The following CNTN4 variants were observed in gnomAD, a reference collection of about 807,000 sequenced individuals.
The protein encoded by CNTN4 is contactin-4.
In CNTN4, 77 loss-of-function variants were observed where a neutral mutation model predicts 122.5. That is an observed-to-expected ratio of 0.63 (90% CI 0.52 to 0.76). The LOEUF (loss-of-function observed/expected upper bound fraction) is 0.76, where lower values mean the gene tolerates loss of function less well. Ranked by LOEUF, CNTN4 falls within the 30% of genes least tolerant of loss-of-function variation. The pLI, the probability that CNTN4 is intolerant of heterozygous loss-of-function variation, is 0.00. For missense variants in CNTN4, 1,256 were observed against 1,259.1 expected (o/e 1.00, Z 0.04); for synonymous variants, 512 against 447.0 (o/e 1.15, Z -1.83).
intron 12 of CNTN4, among the ~76,000 whole-genome samples, chr3:2,904,061 G>A (rs887940806): frequency 1.3e-5 from 2 of 152,104 alleles, no homozygotes; most frequent in Admixed American, 6.5e-5. Context: ...GCATTATCCT[G>A]TAGAAAAATT....
At chr3:2,779,292 A>C (rs2091476282) in intron 6 of CNTN4, among the ~76,000 whole-genome samples, 1 of 152,092 alleles carries the variant, frequency 6.6e-6, no homozygotes, top group African/African-American at 2.4e-5. Flanking sequence ...CGTTTGTGAC[A>C]GGGTCACTCT....
intron 12 of CNTN4, among the ~76,000 whole-genome samples, chr3:2,908,934 A>G (rs966138033): frequency 6.6e-6 from 1 of 152,150 alleles, no homozygotes; most frequent in Non-Finnish European, 1.5e-5. Context: ...CCCTGGCAGG[A>G]CACTCAAATA....
chr3:3,035,546 G>T (rs557974642), intron 17 of CNTN4, among the ~76,000 whole-genome samples: 1 of 151,982 alleles, frequency 6.6e-6, no homozygotes, highest in Non-Finnish European at 1.5e-5. Flanking sequence ...GGATTATAGG[G>T]AGCCTCTTCA....
At chr3:2,670,545 C>G (rs2084444632) in intron 4 of CNTN4, among the ~76,000 whole-genome samples, 1 of 146,010 alleles carries the variant, frequency 6.8e-6, no homozygotes, top group Non-Finnish European at 1.5e-5. Context: ...GACTCTTTAT[C>G]CAATTTGCCA....
chr3:3,036,623 C>T lies in CNTN4; in HGVS notation c.1943-556C>T, dbSNP rs932534293. 1.3e-4 allele frequency among the ~76,000 whole-genome samples: 20 copies of T among 148,558 alleles called. No individual in the cohort carries two copies. In the South Asian group the frequency reaches 3.4e-3, roughly 25 times the overall value. On this transcript the variant is annotated intron_variant, in intron 17 of 24. Transcript: ENST00000418658. ...ACTAAAAATACAAAAAAAAAATAGACAGGCATAGTGGCATGCACCTGTAGT... is the reference window on the plus strand; with the variant it reads ...ACTAAAAATACAAAAAAAAAATAGATAGGCATAGTGGCATGCACCTGTAGT...
chr3:2,781,080 T>G (rs1399576242), intron 6 of CNTN4, among the ~76,000 whole-genome samples: 1 of 151,446 alleles, frequency 6.6e-6, no homozygotes, highest in Non-Finnish European at 1.5e-5. Context: ...ATACATGGAG[T>G]GGTGAGGTTC....
intron 3 of CNTN4, among the ~76,000 whole-genome samples, chr3:2,567,613 C>A (rs1183836161): frequency 6.6e-6 from 1 of 152,170 alleles, no homozygotes; most frequent in Non-Finnish European, 1.5e-5. Flanking sequence ...AGATATCTTG[C>A]TGCTCTTTTA....
intron 2 of CNTN4, among the ~76,000 whole-genome samples, chr3:2,217,558 T>G (rs995637986): frequency 2.0e-5 from 3 of 152,220 alleles, no homozygotes; most frequent in African/African-American, 4.8e-5. Flanking sequence ...GTACAAGATA[T>G]TCCAATGTCT....
intron 3 of CNTN4, among the ~76,000 whole-genome samples, chr3:2,522,511 A>G (rs1479551): frequency 0.42 from 63,987 of 151,944 alleles, 13,666 homozygotes; most frequent in Admixed American, 0.46. Flanking sequence ...CAGTATTGTT[A>G]TCTTGTATTA....
intron 2 of CNTN4, among the ~76,000 whole-genome samples, chr3:2,274,476 G>C (rs1253015722): frequency 1.3e-5 from 2 of 151,426 alleles, no homozygotes; most frequent in Non-Finnish European, 2.9e-5. Flanking sequence ...ATCTATGTTT[G>C]TTTTCTTTTC....
intron 2 of CNTN4, among the ~76,000 whole-genome samples, chr3:2,106,952 A>T (rs976789667): frequency 3.3e-5 from 5 of 152,212 alleles, no homozygotes; most frequent in Non-Finnish European, 7.3e-5. Context: ...AAAGCATAGC[A>T]AGAGTGACCT....
intron 14 of CNTN4, among the ~76,000 whole-genome samples, chr3:2,996,782 C>T (rs756119768): frequency 6.6e-6 from 1 of 152,162 alleles, no homozygotes; most frequent in African/African-American, 2.4e-5. Flanking sequence ...TACTAATTGC[C>T]TCATTTCAGC....
intron 4 of CNTN4, among the ~76,000 whole-genome samples, chr3:2,627,490 CTTTTTTT>C (rs869106549): frequency 2.6e-5 from 3 of 116,224 alleles, no homozygotes; most frequent in African/African-American, 6.4e-5. Context: ...CATTAAGTGT[CTTTTTTT>C]TTTTTTTTTT....
chr3:2,497,910 G>A (rs1374050174), intron 3 of CNTN4, among the ~76,000 whole-genome samples: 2 of 151,928 alleles, frequency 1.3e-5, no homozygotes, highest in Non-Finnish European at 2.9e-5. Flanking sequence ...TATGAGTTGA[G>A]TGAATCCTCT....
At chr3:2,640,919 A>C (rs1380581615) in intron 4 of CNTN4, among the ~76,000 whole-genome samples, 1 of 152,182 alleles carries the variant, frequency 6.6e-6, no homozygotes, top group Non-Finnish European at 1.5e-5. Context: ...TGAAGGAGGC[A>C]GTATCAGAGT....
chr3:2,889,354 T>G (rs1290576342), intron 10 of CNTN4, among the ~76,000 whole-genome samples: 1 of 152,210 alleles, frequency 6.6e-6, no homozygotes, highest in Non-Finnish European at 1.5e-5. Flanking sequence ...TCAAGAATAT[T>G]AAAGGACTGA....
chr3:2,269,213 G>A (rs982472611), intron 2 of CNTN4, among the ~76,000 whole-genome samples: 2 of 152,084 alleles, frequency 1.3e-5, no homozygotes, highest in Admixed American at 1.3e-4. Context: ...AGAGGCCTTT[G>A]TTTAATCAAT....
In CNTN4 at chr3:2,515,074, G is replaced by A. The variant is rs1009304382; in HGVS notation, c.-88-56342G>A. 5.9e-5 allele frequency among the ~76,000 whole-genome samples: 9 copies of A among 151,892 alleles called. No individual in the cohort carries two copies. In the South Asian group the frequency reaches 1.2e-3, roughly 21 times the overall value. On this transcript the variant is annotated intron_variant, in intron 3 of 24. Coordinates refer to ENST00000418658, the MANE Select transcript of CNTN4 (RefSeq NM_175607.3). ...AAGTGTGACTTTAGAAACGAGGTTC[G>A]GATTGTCTGCTCATTTGCATAACCT...
At chr3:2,577,352 A>G (rs748127042) in intron 4 of CNTN4, among the ~76,000 whole-genome samples, 4 of 152,192 alleles carry the variant, frequency 2.6e-5, no homozygotes, top group Non-Finnish European at 5.9e-5. Flanking sequence ...AGATCTATAT[A>G]TGTATGTGTA....
Sources: gnomAD v4.1 joint callset for allele counts (sites outside exome capture counted in the v4.1 genomes callset) on GRCh38, gnomAD v4.1.1 for gene constraint, MANE v1.5 for transcripts, NCBI Gene and HGNC (gene_info 2026-07-23, HGNC 2026-07-21) for gene names.